PNPT1: variants seen among roughly 807,000 people sequenced by gnomAD.
PNPT1 encodes the protein polyribonucleotide nucleotidyltransferase 1, mitochondrial.
Under a neutral mutation model 119.5 loss-of-function variants are expected in PNPT1, and 53 were observed. That is an observed-to-expected ratio of 0.44 (90% CI 0.36 to 0.56). The LOEUF (loss-of-function observed/expected upper bound fraction) is 0.56, where lower values mean the gene tolerates loss of function less well. PNPT1 is among the 20% of genes least tolerant of loss of function. The pLI is 0.00. For missense variants in PNPT1, 948 were observed against 938.5 expected (o/e 1.01, Z -0.13); for synonymous variants, 357 against 322.1 (o/e 1.11, Z -1.16).
chr2:55,661,869 A>C (rs927127599), intron 14 of PNPT1, 87 bp downstream of exon 14: 41 of 1,230,234 alleles, frequency 3.3e-5, no homozygotes, highest in Non-Finnish European at 4.3e-5. Flanking sequence ...TAAAAAAAGT[A>C]ACAATAATTA....
chr2:55,686,463 C>A lies in PNPT1; in HGVS notation c.223-19G>T. 1 of 1,600,360 alleles carries A rather than the reference C, an allele frequency of 6.2e-7. No individual in the cohort carries two copies. Among genetic ancestry groups the A allele is most frequent in the Non-Finnish European group, 8.6e-7 (1 of 1,169,320 alleles). ...CACCTGACTTAAACATAAAGAACAA[C>A]GCTGGTAAGTTCCTTTGAAATCAGA... On this transcript the variant is annotated intron_variant, in intron 2 of 27. Transcript: ENST00000447944.
At chr2:55,646,984 T>C (rs1203534759) in intron 19 of PNPT1, among the ~76,000 whole-genome samples, 1 of 152,084 alleles carries the variant, frequency 6.6e-6, no homozygotes, top group East Asian at 1.9e-4. Context: ...TACAGGTGTG[T>C]GCCACCATGC....
chr2:55,686,136 AT>A lies in PNPT1; in HGVS notation c.297+233del, dbSNP rs35071585. Reference sequence around the variant, plus strand: ...ATGTCAAAGTACTCATGCACTTCCAATCTTCTTGTCAACTTACGCACCTGGA... The same window carrying A: ...ATGTCAAAGTACTCATGCACTTCCAACTTCTTGTCAACTTACGCACCTGGA... On this transcript the variant is annotated intron_variant, in intron 3 of 27. Coordinates refer to ENST00000447944, the MANE Select transcript of PNPT1 (RefSeq NM_033109.5). Among the ~76,000 whole-genome samples the A allele has an allele frequency of 0.084, 12,797 of 152,294 alleles. 650 individuals carry two copies. The highest frequency in any genetic ancestry group is 0.14 in the South Asian group (653 of 4,828).
Position 55,677,137 on chromosome 2 carries a change from C to T in PNPT1, c.679+2545G>A, listed in dbSNP as rs1697097486. Reference sequence around the variant, plus strand: ...GTAATTCCTAAAAACCATCCCCTTACAGGTTGGTTCTGAATCACTCTCAGC... The same window carrying T: ...GTAATTCCTAAAAACCATCCCCTTATAGGTTGGTTCTGAATCACTCTCAGC... On this transcript the variant is annotated intron_variant, in intron 8 of 27. Transcript: ENST00000447944. Among the ~76,000 whole-genome samples the T allele has an allele frequency of 2.6e-5, 4 of 152,310 alleles. 1 individual carries two copies. The East Asian group carries it at 5.8e-4, about 22-fold the overall frequency.
intron 26 of PNPT1, among the ~76,000 whole-genome samples, chr2:55,640,409 T>G (rs1172195754): frequency 1.3e-5 from 2 of 152,162 alleles, no homozygotes; most frequent in Non-Finnish European, 2.9e-5. Context: ...GCCTCGGACT[T>G]CCAGAGTGCT....
intron 10 of PNPT1, 143 bp from the exon 11 acceptor site, chr2:55,671,519 T>C: frequency 2.0e-6 from 1 of 509,390 alleles, no homozygotes; most frequent in South Asian, 4.0e-5. Context: ...GTTCTTGATT[T>C]ATGACAAATA....
At chr2:55,646,346 T>C (rs770910434) in intron 20 of PNPT1, 24 bp from the exon 21 acceptor site, 6 of 1,603,254 alleles carry the variant, frequency 3.7e-6, no homozygotes, top group Non-Finnish European at 5.1e-6. Context: ...GTCAAACAAT[T>C]ATATAAATAT....
chr2:55,682,505 T>C (rs1697279192), intron 5 of PNPT1, among the ~76,000 whole-genome samples: 1 of 152,112 alleles, frequency 6.6e-6, no homozygotes, highest in South Asian at 2.1e-4. Context: ...AAACAAACTT[T>C]ATACTGCAAT....
intron 14 of PNPT1, 143 bp downstream of exon 14, chr2:55,661,813 A>C (rs1369842601): frequency 2.7e-6 from 2 of 740,968 alleles, no homozygotes; most frequent in African/African-American, 3.7e-5. Flanking sequence ...AAATCCTTTG[A>C]AATCATGATG....
chr2:55,676,805 TG>T (rs1456779144), intron 8 of PNPT1, among the ~76,000 whole-genome samples: 1 of 150,350 alleles, frequency 6.7e-6, no homozygotes, highest in African/African-American at 2.5e-5. Flanking sequence ...GAAGTTGCAC[TG>T]AGCCAAGATC....
At chr2:55,662,108 ACT>A in intron 13 of PNPT1, 82 bp from the exon 14 acceptor site, 1 of 1,201,558 alleles carries the variant, frequency 8.3e-7, no homozygotes, top group Non-Finnish European at 1.1e-6. Flanking sequence ...AATCCAACTA[ACT>A]CTTAAAAAAA....
intron 13 of PNPT1, among the ~76,000 whole-genome samples, chr2:55,664,276 G>A (rs758781504): frequency 1.3e-5 from 2 of 152,132 alleles, no homozygotes; most frequent in East Asian, 1.9e-4. Context: ...AAATGGTTGC[G>A]AAGTTTCTTC....
intron 2 of PNPT1, among the ~76,000 whole-genome samples, chr2:55,686,938 G>C (rs1244308760): frequency 6.6e-6 from 1 of 152,150 alleles, no homozygotes; most frequent in Non-Finnish European, 1.5e-5. Flanking sequence ...GACCAGGCCA[G>C]GCGCGGTGGC....
chr2:55,681,773 G>T (rs747390873), intron 5 of PNPT1, among the ~76,000 whole-genome samples: 1 of 151,224 alleles, frequency 6.6e-6, no homozygotes, highest in African/African-American at 2.4e-5. Flanking sequence ...TGAACCCGGA[G>T]GCAGAGGTTT....
At chr2:55,677,558 C>T (rs1408345740) in intron 8 of PNPT1, among the ~76,000 whole-genome samples, 1 of 134,688 alleles carries the variant, frequency 7.4e-6, no homozygotes, top group East Asian at 2.5e-4. Context: ...CGCACTGCTG[C>T]ACTCCTCCAC....
At chr2:55,679,620 G>T (rs1339982799) in intron 8 of PNPT1, 62 bp downstream of exon 8, 1 of 1,241,808 alleles carries the variant, frequency 8.1e-7, no homozygotes, top group South Asian at 1.3e-5. Flanking sequence ...TTTAAATTCA[G>T]TTTAAGAAGC....
At chr2:55,690,624 AG>A (rs1479100171) in intron 1 of PNPT1, among the ~76,000 whole-genome samples, 3 of 152,242 alleles carry the variant, frequency 2.0e-5, no homozygotes, top group African/African-American at 7.2e-5. Context: ...GTCAGAACAA[AG>A]TATGTACATT....
intron 15 of PNPT1, among the ~76,000 whole-genome samples, chr2:55,657,507 C>A (rs1696423251): frequency 6.6e-6 from 1 of 151,530 alleles, no homozygotes; most frequent in Non-Finnish European, 1.5e-5. Context: ...CCTGCCTCAG[C>A]CTCCCAAGTA....
intron 13 of PNPT1, among the ~76,000 whole-genome samples, chr2:55,663,785 T>C (rs886571908): frequency 4.6e-5 from 7 of 152,128 alleles, no homozygotes; most frequent in African/African-American, 1.2e-4. Flanking sequence ...GAGACCATCC[T>C]GGCTAACATG....
Sources: allele counts gnomAD v4.1 joint callset (sites outside exome capture counted in the v4.1 genomes callset), GRCh38; gene constraint gnomAD v4.1.1; transcripts MANE v1.5; gene names NCBI Gene and HGNC (gene_info 2026-07-23, HGNC 2026-07-21).